The following CNTN1 variants were observed in gnomAD, a reference collection of about 807,000 sequenced individuals.
CNTN1 encodes contactin 1, also known as contactin-1.
A neutral mutation model predicts 126.4 loss-of-function variants in CNTN1; 38 were observed. The observed-to-expected ratio is 0.30, with a 90% CI of 0.23 to 0.39. The LOEUF (loss-of-function observed/expected upper bound fraction) is 0.39, where lower values mean the gene tolerates loss of function less well. CNTN1 is among the 10% of genes least tolerant of loss of function. CNTN1 has a pLI of 1.00. For missense variants in CNTN1, 1,009 were observed against 1,248.4 expected (o/e 0.81, Z 2.89); for synonymous variants, 413 against 422.6 (o/e 0.98, Z 0.28).
chr12:41,065,837 C>A (rs779715305), intron 23 of CNTN1, among the ~76,000 whole-genome samples: 41 of 152,192 alleles, frequency 2.7e-4, no homozygotes, highest in Non-Finnish European at 5.9e-4. Flanking sequence ...TGGCATTATC[C>A]ATGTCTGTCA....
chr12:40,723,205 T>C (rs1408511169), intron 1 of CNTN1, among the ~76,000 whole-genome samples: 1 of 152,196 alleles, frequency 6.6e-6, no homozygotes, highest in African/African-American at 2.4e-5. Flanking sequence ...AGATGATGTT[T>C]TTAGACTGTG....
intron 1 of CNTN1, among the ~76,000 whole-genome samples, chr12:40,781,664 AGT>A: frequency 6.6e-6 from 1 of 152,048 alleles, no homozygotes; most frequent in Non-Finnish European, 1.5e-5. Context: ...GGTTGAAATG[AGT>A]CACCAAGGTG....
intron 23 of CNTN1, among the ~76,000 whole-genome samples, chr12:41,063,941 C>T (rs1949994942): frequency 6.6e-6 from 1 of 152,114 alleles, no homozygotes. Context: ...TTTTGGGAAG[C>T]CGAGGCGGGC....
At chr12:40,765,606 G>GTTCACA (rs1291855661) in intron 1 of CNTN1, among the ~76,000 whole-genome samples, 4 of 152,118 alleles carry the variant, frequency 2.6e-5, no homozygotes, top group African/African-American at 4.8e-5. Context: ...GGAGTTCAGT[G>GTTCACA]GCTAACTGTG....
intron 1 of CNTN1, among the ~76,000 whole-genome samples, chr12:40,712,418 T>A (rs979638926): frequency 6.6e-6 from 1 of 152,080 alleles, no homozygotes; most frequent in African/African-American, 2.4e-5. Context: ...TGCTATTTTA[T>A]TTTATTTTAT....
intron 1 of CNTN1, chr12:40,895,861 C>G (rs919205526): frequency 6.6e-6 from 1 of 150,966 alleles, no homozygotes; most frequent in Non-Finnish European, 1.5e-5. Flanking sequence ...GGGTTCACGC[C>G]ATTCTCCTGC....
chr12:40,831,228 A>G (rs1432994285), intron 1 of CNTN1, among the ~76,000 whole-genome samples: 1 of 149,926 alleles, frequency 6.7e-6, no homozygotes, highest in Non-Finnish European at 1.5e-5. Context: ...TGTATATACT[A>G]TATTTACTTA....
chr12:40,765,347 A>T (rs950893057), intron 1 of CNTN1, among the ~76,000 whole-genome samples: 1 of 152,174 alleles, frequency 6.6e-6, no homozygotes, highest in African/African-American at 2.4e-5. Flanking sequence ...GGAGATGTCA[A>T]TCCAGGAGTA....
chr12:40,760,225 C>G (rs894635083), intron 1 of CNTN1, among the ~76,000 whole-genome samples: 2 of 152,068 alleles, frequency 1.3e-5, no homozygotes, highest in Non-Finnish European at 2.9e-5. Flanking sequence ...ATTTTCAGTT[C>G]ATACTGGCTT....
At chr12:40,702,362 T>G (rs1941619787) in intron 1 of CNTN1, among the ~76,000 whole-genome samples, 1 of 152,242 alleles carries the variant, frequency 6.6e-6, no homozygotes, top group African/African-American at 2.4e-5. Flanking sequence ...ATTTATTCTA[T>G]TGTTGAATAC....
rs58265279 is a variant in CNTN1, at chr12:40,830,830, T to C, written c.-76-77527T>C. 1.1e-3 allele frequency among the ~76,000 whole-genome samples: 116 copies of C among 104,316 alleles called. 1 individual carries two copies. The highest frequency in any genetic ancestry group is 3.4e-3 in the South Asian group (11 of 3,248). 68.4% of individuals were successfully genotyped at this position (104,316 alleles called of 152,430 possible). Reference sequence around the variant, plus strand: ...ATATATATATATATATATATATATATATATACTCTTTATCTGTCTACCTAA... The same window carrying C: ...ATATATATATATATATATATATATACATATACTCTTTATCTGTCTACCTAA... On this transcript the variant is annotated intron_variant, in intron 1 of 23. Transcript: ENST00000551295.
chr12:41,016,570 C>T, intron 18 of CNTN1, 112 bp from the exon 19 acceptor site: 1 of 728,150 alleles, frequency 1.4e-6, no homozygotes, highest in Non-Finnish European at 2.5e-6. Context: ...AATGTATGAA[C>T]TGTGTATGTT....
rs780316987 is a variant in CNTN1, at chr12:41,020,412, T to G, written c.2495T>G (p.Val832Gly). ...GAGATATCTGTTCATTGGGAACATG[T>G]TTTAGAAAAAATAGTGGAAAGCTAT... Reference protein sequence around the residue: ...SSEISVHWEHVLEKIVESYQI... With the variant: ...SSEISVHWEHGLEKIVESYQI... The change falls in exon 20 of 24, where the codon GTT becomes GGT. Residue 832 changes from valine to glycine, a missense_variant. Transcript: ENST00000551295. The G allele has an allele frequency of 3.1e-6, 5 of 1,611,304 alleles. No individual in the cohort carries two copies. The highest frequency in any genetic ancestry group is 3.3e-4 in the Middle Eastern group (2 of 6,042).
intron 11 of CNTN1, 48 bp from the exon 12 acceptor site, chr12:40,939,287 A>G: frequency 6.3e-7 from 1 of 1,593,096 alleles, no homozygotes; most frequent in Non-Finnish European, 8.6e-7. Context: ...AGCAATGTTT[A>G]GGCTTTACAA....
Position 40,943,998 on chromosome 12 carries a change from C to T in CNTN1, c.1511C>T (p.Pro504Leu), listed in dbSNP as rs1254568843. ...CTTTACATTTAAAAATATATAGATC[C>T]TACGCGAATTATATTGGCCCCAATT... is the stretch of plus-strand genomic sequence containing the variant. Reference protein sequence around the residue: ...NSTGTLVITDPTRIILAPINA... With the variant: ...NSTGTLVITDLTRIILAPINA... Residue 504 changes from proline (P) to leucine (L), a missense_variant, in exon 14 of 24, where the codon CCT (proline) becomes CTT (leucine). Physicochemically the swap from Pro to Leu is moderately conservative, Grantham distance 98. Transcript: ENST00000551295. 8 of 1,613,018 alleles carry T rather than the reference C, an allele frequency of 5.0e-6. No individual in the cohort carries two copies. The highest frequency in any genetic ancestry group is 6.8e-6 in the Non-Finnish European group (8 of 1,179,328).
At chr12:40,891,736 G>A (rs1944246205) in intron 1 of CNTN1, among the ~76,000 whole-genome samples, 1 of 152,006 alleles carries the variant, frequency 6.6e-6, no homozygotes, top group South Asian at 2.1e-4. Flanking sequence ...CTGTTCCATT[G>A]ATCTATGTAT....
Position 40,695,578 on chromosome 12 carries a change from G to A in CNTN1, c.-77+2986G>A, listed in dbSNP as rs140199427. On this transcript the variant is annotated intron_variant, in intron 1 of 23. Transcript: ENST00000551295. ...CTATTTCTACATGTAAATTGGCCAT[G>A]GTCTCTATCATATCCCACAACTTAT... Among the ~76,000 whole-genome samples, 259 of 152,172 alleles carry A rather than the reference G, an allele frequency of 1.7e-3. 2 individuals carry two copies. In the East Asian group the frequency reaches 0.021, roughly 12 times the overall value.
intron 23 of CNTN1, among the ~76,000 whole-genome samples, chr12:41,067,511 A>T (rs182201): frequency 6.6e-6 from 1 of 150,986 alleles, no homozygotes; most frequent in Non-Finnish European, 1.5e-5. Context: ...AATTCCTATC[A>T]CAAGAACAAA....
At chr12:40,720,976 T>TATATATATATATATATA (rs762942012) in intron 1 of CNTN1, among the ~76,000 whole-genome samples, 4 of 150,920 alleles carry the variant, frequency 2.7e-5, no homozygotes, top group Non-Finnish European at 5.9e-5. Flanking sequence ...TGTATATATG[T>TATATATATATATATATA]TATAACATAT....
Sources: allele counts gnomAD v4.1 joint callset (sites outside exome capture counted in the v4.1 genomes callset), GRCh38; gene constraint gnomAD v4.1.1; transcripts MANE v1.5; gene names NCBI Gene and HGNC (gene_info 2026-07-23, HGNC 2026-07-21).